Variants in CENPE observed in about 807,000 individuals in gnomAD.
CENPE encodes the protein centromere protein E.
Under a neutral mutation model 336.1 loss-of-function variants are expected in CENPE, and 145 were observed. The observed-to-expected ratio is 0.43, with a 90% CI of 0.38 to 0.50. CENPE has a LOEUF of 0.50. CENPE is among the 20% of genes least tolerant of loss of function. The pLI, the probability that CENPE is intolerant of heterozygous loss-of-function variation, is 0.00. For missense variants in CENPE, 2,719 were observed against 3,023.3 expected (o/e 0.90, Z 2.36); for synonymous variants, 1,013 against 984.8 (o/e 1.03, Z -0.54).
At chr4:103,171,243 T>C (rs548325998) in intron 16 of CENPE, among the ~76,000 whole-genome samples, 2 of 152,092 alleles carry the variant, frequency 1.3e-5, no homozygotes, top group Non-Finnish European at 2.9e-5. Context: ...CAACTGCACA[T>C]GGAACATTCT....
intron 16 of CENPE, among the ~76,000 whole-genome samples, chr4:103,166,931 G>C (rs562805804): frequency 6.6e-6 from 1 of 152,226 alleles, no homozygotes; most frequent in Admixed American, 6.5e-5. Context: ...GACAATTTCT[G>C]AGTCCCTAAA....
At chr4:103,194,786 A>G (rs369129429) in intron 5 of CENPE, 102 bp from the exon 6 acceptor site, 2 of 831,978 alleles carry the variant, frequency 2.4e-6, no homozygotes, top group Non-Finnish European at 1.8e-6. Context: ...GTGAAAGTTA[A>G]AAGTGGCAAA....
chr4:103,159,465 T>A (rs1292732975), intron 21 of CENPE, 141 bp from the exon 22 acceptor site: 3 of 483,588 alleles, frequency 6.2e-6, no homozygotes, highest in African/African-American at 2.0e-5. Context: ...AATATAGTAG[T>A]ACTCTTATTG....
At chr4:103,185,574 T>A (rs1333587338) in intron 9 of CENPE, among the ~76,000 whole-genome samples, 2 of 152,212 alleles carry the variant, frequency 1.3e-5, no homozygotes, top group Admixed American at 1.3e-4. Flanking sequence ...TACAATCCCA[T>A]CAATTGTATA....
At chr4:103,111,822 G>A (rs905436069) in intron 46 of CENPE, among the ~76,000 whole-genome samples, 1 of 151,796 alleles carries the variant, frequency 6.6e-6, no homozygotes, top group Non-Finnish European at 1.5e-5. Flanking sequence ...AGCTACAACA[G>A]GTACTAGGTA....
At chr4:103,195,800 A>G in intron 4 of CENPE, 120 bp downstream of exon 4, 2 of 694,222 alleles carry the variant, frequency 2.9e-6, no homozygotes, top group East Asian at 5.0e-5. Context: ...CCCCATGGAT[A>G]ATCAAACAAT....
intron 47 of CENPE, 53 bp downstream of exon 47, chr4:103,110,775 C>G (rs1007820809): frequency 7.2e-7 from 1 of 1,391,408 alleles, no homozygotes; most frequent in Non-Finnish European, 9.7e-7. Context: ...CATGTCCCTA[C>G]ATATATGTAA....
chr4:103,186,663 T>C (rs1756795414), intron 8 of CENPE, among the ~76,000 whole-genome samples: 1 of 152,188 alleles, frequency 6.6e-6, no homozygotes, highest in East Asian at 1.9e-4. Context: ...GCTTACATTC[T>C]ACATAGAGGA....
intron 26 of CENPE, 105 bp from the exon 27 acceptor site, chr4:103,149,513 T>C (rs1443808552): frequency 4.1e-6 from 4 of 983,922 alleles, no homozygotes; most frequent in East Asian, 5.2e-5. Context: ...AATAGGTAAG[T>C]AGCATTAAAA....
At position 103,167,052 on chromosome 4, in the gene CENPE, T is replaced by C. The variant is rs11931509; in HGVS notation, c.1648-3499A>G. ...CATTATAACTATTTAGTATTAGTTATACTAATTTTCACATAACTCTCTTAG... is the reference window on the plus strand; with the variant it reads ...CATTATAACTATTTAGTATTAGTTACACTAATTTTCACATAACTCTCTTAG... On this transcript the variant is annotated intron_variant, in intron 16 of 48. Transcript: ENST00000265148. 4.2e-3 allele frequency among the ~76,000 whole-genome samples: 635 copies of C among 152,320 alleles called. 5 individuals carry two copies. The highest frequency in any genetic ancestry group is 0.014 in the African/African-American group (590 of 41,582).
chr4:103,130,260 A>T (rs529833823), intron 42 of CENPE, among the ~76,000 whole-genome samples: 1 of 152,344 alleles, frequency 6.6e-6, no homozygotes, highest in Non-Finnish European at 1.5e-5. Flanking sequence ...GATCATCTAC[A>T]TAGAAAATCT....
At chr4:103,142,397 G>A (rs1035988483) in intron 34 of CENPE, among the ~76,000 whole-genome samples, 3 of 152,186 alleles carry the variant, frequency 2.0e-5, no homozygotes, top group Non-Finnish European at 4.4e-5. Flanking sequence ...GCCAACAGTA[G>A]TACTTGGTTC....
In CENPE at chr4:103,194,615, T is replaced by C. The variant is rs1757605322; in HGVS notation, c.547A>G (p.Thr183Ala). Residue 183 changes from threonine to alanine, a missense_variant, in exon 6 of 49, where the codon ACA (threonine) becomes GCA (alanine). By Grantham distance (58) the Thr-to-Ala change is moderately conservative (BLOSUM62 0). Around this residue, in one of 5 missense-constraint regions of CENPE, gnomAD observed 106 missense variants for 189.3 expected, o/e 0.56. Transcript: ENST00000265148. ...YTSEMALKWI[T>A]KGEKSRHYGE... Reference sequence around the variant, plus strand: ...CATAAAGTCTTACTTTCTCCCTTTGTAATCCATTTCAAAGCCATTTCTGAT... The same window carrying C: ...CATAAAGTCTTACTTTCTCCCTTTGCAATCCATTTCAAAGCCATTTCTGAT... The C allele has an allele frequency of 1.9e-6, 3 of 1,606,064 alleles. No homozygotes were observed. Among genetic ancestry groups the C allele is most frequent in the Non-Finnish European group, 2.6e-6 (3 of 1,176,042 alleles).
At chr4:103,186,770 C>T (rs192450756) in intron 8 of CENPE, among the ~76,000 whole-genome samples, 1 of 152,224 alleles carries the variant, frequency 6.6e-6, no homozygotes, top group African/African-American at 2.4e-5. Context: ...GGGCCAGTAG[C>T]TTTAGGTTCA....
intron 9 of CENPE, 38 bp from the exon 10 acceptor site, chr4:103,183,326 T>C: frequency 6.6e-7 from 1 of 1,507,726 alleles, no homozygotes; most frequent in Non-Finnish European, 9.2e-7. Context: ...TAAACTTGAC[T>C]CCTTTTCTAG....
intron 42 of CENPE, among the ~76,000 whole-genome samples, chr4:103,129,118 T>C (rs943003523): frequency 4.6e-5 from 7 of 152,150 alleles, no homozygotes; most frequent in African/African-American, 1.7e-4. Context: ...AATTTGATAA[T>C]TTAAATGAAA....
Position 103,161,262 on chromosome 4 carries a change from A to AAACATTGC in CENPE, c.1966-19_1966-12dup, listed in dbSNP as rs747538848. ...AGTTGCAAGTTCTTTCTATTGAGAA[A>AAACATTGC]AACATTGCAAATGCACAAAAATACA... On this transcript the variant is annotated splice_polypyrimidine_tract_variant and intron_variant, in intron 19 of 48. Transcript: ENST00000265148. 8 of 1,606,194 alleles carry AAACATTGC rather than the reference A, an allele frequency of 5.0e-6. No individual in the cohort carries two copies. Among genetic ancestry groups the AAACATTGC allele is most frequent in the East Asian group, 4.5e-5 (2 of 44,688 alleles).
At chr4:103,155,443 T>A (rs952119873) in intron 24 of CENPE, among the ~76,000 whole-genome samples, 3 of 152,090 alleles carry the variant, frequency 2.0e-5, no homozygotes, top group Non-Finnish European at 4.4e-5. Context: ...CCTGAGTGGC[T>A]GAGACTACAG....
chr4:103,185,756 A>C, intron 9 of CENPE, 54 bp downstream of exon 9: 1 of 1,253,156 alleles, frequency 8.0e-7, no homozygotes, highest in Non-Finnish European at 1.1e-6. Flanking sequence ...GTACTTTTTA[A>C]ACCTGTAAAA....
Sources: gnomAD v4.1 joint callset for allele counts (sites outside exome capture counted in the v4.1 genomes callset) on GRCh38, gnomAD v4.1.1 for gene constraint, gnomAD v4.1.1 regional missense constraint, MANE v1.5 for transcripts, NCBI Gene and HGNC (gene_info 2026-07-23, HGNC 2026-07-21) for gene names.